The following LINGO2 variants were observed in gnomAD, a reference collection of about 807,000 sequenced individuals.
LINGO2 encodes leucine rich repeat and Ig domain containing 2.
In LINGO2, 14 loss-of-function variants were observed where a neutral mutation model predicts 30.6. The ratio of observed to expected loss-of-function variants is 0.46; its 90% CI spans 0.30 to 0.72. LINGO2 has a LOEUF of 0.72. Among genes scored for constraint, LINGO2 ranks in the 30% least tolerant of loss-of-function variants. The probability of loss-of-function intolerance (pLI) is 0.07; values close to 1 mark genes in which losing one functional copy is unlikely to be tolerated. For synonymous variants in LINGO2, 317 were observed against 288.5 expected, an observed-to-expected ratio of 1.10 and a Z score of -1.00; for missense variants, 729 against 751.7, an observed-to-expected ratio of 0.97 and a Z score of 0.35.
the LINGO2 span, among the ~76,000 whole-genome samples, chr9:29,032,223 A>G: frequency 6.6e-6 from 1 of 152,170 alleles, no homozygotes; most frequent in Non-Finnish European, 1.5e-5. Flanking sequence ...ATCAGTATAT[A>G]TTTCTAAATT....
At chr9:28,229,935 C>T (rs1301224329) in intron 4 of LINGO2, among the ~76,000 whole-genome samples, 1 of 151,562 alleles carries the variant, frequency 6.6e-6, no homozygotes, top group African/African-American at 2.4e-5. Context: ...ACAACTTGTA[C>T]AAAGGAGCTG....
At chr9:29,070,100 T>C in the LINGO2 span, among the ~76,000 whole-genome samples, 1 of 151,914 alleles carries the variant, frequency 6.6e-6, no homozygotes, top group East Asian at 1.9e-4. Context: ...CATACATATA[T>C]TCACACACAC....
the LINGO2 span, among the ~76,000 whole-genome samples, chr9:28,773,694 G>C: frequency 6.6e-6 from 1 of 152,108 alleles, no homozygotes; most frequent in Non-Finnish European, 1.5e-5. Context: ...ATGATATTTT[G>C]CTCTCAATGA....
intron 4 of LINGO2, among the ~76,000 whole-genome samples, chr9:28,290,255 A>G (rs1169342906): frequency 6.6e-6 from 1 of 152,186 alleles, no homozygotes; most frequent in Non-Finnish European, 1.5e-5. Flanking sequence ...ATGTGGGCCT[A>G]GCGCTGTATT....
At chr9:27,995,100 A>G (rs973738293) in intron 5 of LINGO2, among the ~76,000 whole-genome samples, 4 of 152,188 alleles carry the variant, frequency 2.6e-5, no homozygotes, top group African/African-American at 9.7e-5. Flanking sequence ...ATCATTAGAG[A>G]ATCGTGTGCA....
At position 28,148,448 on chromosome 9, in the gene LINGO2, G is replaced by T. The variant is rs1357012759; in HGVS notation, c.-86-136043C>A. 6 of 1,383,468 alleles carry T rather than the reference G, an allele frequency of 4.3e-6. No homozygotes were observed. The highest frequency in any genetic ancestry group is 5.9e-6 in the Non-Finnish European group (6 of 1,008,890). The allele number at this position is 1,383,468 out of a possible 1,614,324, so 85.7% of individuals were successfully genotyped here. A position where few individuals can be genotyped will look rare whatever the true frequency, so the allele number is the denominator to read the frequency against. On this transcript the variant is annotated intron_variant, in intron 4 of 5. Coordinates refer to ENST00000379992, the Ensembl canonical transcript of LINGO2. The surrounding 1 kb of genome is among the most constrained non-coding windows in gnomAD (Gnocchi z 5.1). ...CCCGAAGATGGAGGTGAGGGCAGAA[G>T]AGCCCAGAGAAGCAACGGAGGTGAC...
chr9:28,233,030 T>TTATATATATATATATATATATATATA (rs1554690875), intron 4 of LINGO2, among the ~76,000 whole-genome samples: 37 of 77,662 alleles, frequency 4.8e-4, no homozygotes, highest in Non-Finnish European at 5.8e-4. Context: ...ACAGTAAACA[T>TTATATATATATATATATATATATATA]TATATATATA....
At chr9:28,327,902 G>A (rs1278461066) in intron 3 of LINGO2, among the ~76,000 whole-genome samples, 9 of 151,946 alleles carry the variant, frequency 5.9e-5, no homozygotes, top group African/African-American at 1.2e-4. Context: ...AAGGCAAGGA[G>A]AAAGGAAGAA....
At chr9:27,977,794 A>C (rs1401709761) in intron 5 of LINGO2, among the ~76,000 whole-genome samples, 2 of 151,920 alleles carry the variant, frequency 1.3e-5, no homozygotes, top group African/African-American at 4.8e-5. Context: ...GGGAAAGAAA[A>C]AAAAAAAGGA....
chr9:28,411,699 A>G (rs1385299465), intron 2 of LINGO2, among the ~76,000 whole-genome samples: 1 of 152,106 alleles, frequency 6.6e-6, no homozygotes, highest in Non-Finnish European at 1.5e-5. Context: ...CAAACATTTT[A>G]TCTATTGTAA....
At chr9:28,007,790 A>G (rs1282648014) in intron 5 of LINGO2, among the ~76,000 whole-genome samples, 1 of 152,192 alleles carries the variant, frequency 6.6e-6, no homozygotes, top group Non-Finnish European at 1.5e-5. Flanking sequence ...TTTTTATGCT[A>G]CAGTGAGAAC....
the LINGO2 span, among the ~76,000 whole-genome samples, chr9:29,213,062 G>A: frequency 1.3e-5 from 2 of 152,102 alleles, no homozygotes; most frequent in African/African-American, 4.8e-5. Context: ...GGAGGGGATG[G>A]CGGTTCAAAA....
At chr9:28,971,973 A>C in the LINGO2 span, among the ~76,000 whole-genome samples, 1 of 152,232 alleles carries the variant, frequency 6.6e-6, no homozygotes, top group Non-Finnish European at 1.5e-5. Flanking sequence ...TGTTTGGAAG[A>C]AAGTAAGGGA....
chr9:28,721,194 C>T, the LINGO2 span, among the ~76,000 whole-genome samples: 1 of 152,096 alleles, frequency 6.6e-6, no homozygotes, highest in African/African-American at 2.4e-5. Flanking sequence ...AAAAGCAATG[C>T]TTTTACACTG....
rs373176578 is a variant in LINGO2, at chr9:28,467,267, T to C, written c.-279+8673A>G. Among the ~76,000 whole-genome samples, 13 of 152,252 alleles carry C rather than the reference T, an allele frequency of 8.5e-5. No homozygotes were observed. The East Asian group carries it at 1.9e-3, about 23-fold the overall frequency. On this transcript the variant is annotated intron_variant, in intron 2 of 5. Transcript: ENST00000379992. ...GTCTCGATCTCCTGACCTCTCGTAG[T>C]CTGCCCTCCTCGGCCTCCCAAAGTG...
In LINGO2 at chr9:28,005,174, C is replaced by T. The variant is rs1467373641; in HGVS notation, c.-36+7181G>A. Among the ~76,000 whole-genome samples, 12 of 152,294 alleles carry T rather than the reference C, an allele frequency of 7.9e-5. No individual in the cohort carries two copies. The South Asian group carries it at 1.2e-3, about 16-fold the overall frequency. ...CTGGATAAACTTTCTACTTCCTGCA[C>T]GATGTGACTGGCTGAGGTCATACCA... On this transcript the variant is annotated intron_variant, in intron 5 of 5. Coordinates refer to ENST00000379992, the Ensembl canonical transcript of LINGO2.
the LINGO2 span, among the ~76,000 whole-genome samples, chr9:29,172,537 CGG>C: frequency 6.6e-6 from 1 of 151,728 alleles, no homozygotes; most frequent in African/African-American, 2.4e-5. Flanking sequence ...TTTTAAATTT[CGG>C]TCACTTATAA....
intron 1 of LINGO2, among the ~76,000 whole-genome samples, chr9:28,624,110 T>C (rs945480501): frequency 6.6e-6 from 1 of 152,122 alleles, no homozygotes; most frequent in Admixed American, 6.6e-5. Flanking sequence ...AAGCTCATAT[T>C]ATCTACAAAC....
chr9:28,931,019 T>C, the LINGO2 span, among the ~76,000 whole-genome samples: 1 of 152,232 alleles, frequency 6.6e-6, no homozygotes, highest in Non-Finnish European at 1.5e-5. Flanking sequence ...ACTCAGATTA[T>C]TTAATAACAC....
Sources: allele counts gnomAD v4.1 joint callset (sites outside exome capture counted in the v4.1 genomes callset), GRCh38; gene constraint gnomAD v4.1.1; non-coding constraint Gnocchi (gnomAD v3.1); transcripts MANE v1.5; gene names NCBI Gene and HGNC (gene_info 2026-07-23, HGNC 2026-07-21).